ANO3: variants seen among roughly 807,000 people sequenced by gnomAD.
The protein encoded by ANO3 is anoctamin-3.
Under a neutral mutation model 144.8 loss-of-function variants are expected in ANO3, and 99 were observed. The observed-to-expected ratio is 0.68, with a 90% CI of 0.58 to 0.81. The LOEUF is 0.81. ANO3 is among the 30% of genes least tolerant of loss of function. The pLI is 0.00. For synonymous variants in ANO3, 414 were observed against 392.6 expected, an observed-to-expected ratio of 1.05 and a Z score of -0.64; for missense variants, 905 against 1,202.2, an observed-to-expected ratio of 0.75 and a Z score of 3.66.
intron 1 of ANO3, among the ~76,000 whole-genome samples, chr11:26,245,018 T>TGTGTGTGTGTGCACGC (rs151031559): frequency 6.9e-6 from 1 of 145,324 alleles, no homozygotes; most frequent in South Asian, 2.2e-4. Context: ...TGTGTGTGTG[T>TGTGTGTGTGTGCACGC]GTGCATGCAT....
chr11:26,580,065 G>A (rs1391881441), intron 14 of ANO3, among the ~76,000 whole-genome samples: 1 of 135,544 alleles, frequency 7.4e-6, no homozygotes, highest in Non-Finnish European at 1.6e-5. Context: ...CAAAAGTAAT[G>A]AGAATGGAAA....
chr11:26,431,579 G>T (rs962171415), intron 1 of ANO3, among the ~76,000 whole-genome samples: 1 of 152,082 alleles, frequency 6.6e-6, no homozygotes, highest in Admixed American at 6.5e-5. Flanking sequence ...CAAATAGACC[G>T]CAGCGTCTGT....
intron 1 of ANO3, among the ~76,000 whole-genome samples, chr11:26,250,384 C>G (rs1852900215): frequency 6.6e-6 from 1 of 152,136 alleles, no homozygotes; most frequent in Non-Finnish European, 1.5e-5. Context: ...ATATCCTGAG[C>G]TGAAGAGGAC....
Position 26,602,615 on chromosome 11 carries a change from G to C in ANO3, c.1836+2901G>C, listed in dbSNP as rs1242844813. Among the ~76,000 whole-genome samples the C allele has an allele frequency of 2.1e-5, 3 of 142,056 alleles. No homozygotes were observed. In the Admixed American group the frequency reaches 2.1e-4, roughly 10 times the overall value. The allele number at this position is 142,056 out of a possible 152,430, so 93.2% of individuals were successfully genotyped here. A position where few individuals can be genotyped will look rare whatever the true frequency, so the allele number is the denominator to read the frequency against. ...TTTTTTTTTTTTTAAAGCCAAGTGT[G>C]GTGGTGCACACCTGTAGTCTCAACT... On this transcript the variant is annotated intron_variant, in intron 17 of 26. Coordinates refer to ENST00000256737, the MANE Select transcript of ANO3 (RefSeq NM_031418.4).
chr11:26,297,224 C>T (rs1854114120), intron 1 of ANO3, among the ~76,000 whole-genome samples: 4 of 145,078 alleles, frequency 2.8e-5, no homozygotes, highest in Non-Finnish European at 3.0e-5. Flanking sequence ...TTTCTTTTTA[C>T]CCTCCAGTAT....
At chr11:26,423,771 C>G (rs952356832) in intron 1 of ANO3, among the ~76,000 whole-genome samples, 1 of 151,914 alleles carries the variant, frequency 6.6e-6, no homozygotes, top group African/African-American at 2.4e-5. Context: ...GTTATTTATA[C>G]CACGGGAAGT....
chr11:26,338,132 G>A (rs1197699211), intron 1 of ANO3, among the ~76,000 whole-genome samples: 1 of 150,166 alleles, frequency 6.7e-6, no homozygotes, highest in African/African-American at 2.5e-5. Context: ...AAAAAAAACA[G>A]CAAAAACAAC....
rs141218514 is a variant in ANO3, at chr11:26,548,110, A to G, written c.1289+560A>G. Among the ~76,000 whole-genome samples the G allele has an allele frequency of 2.6e-3, 391 of 152,084 alleles. 5 individuals are homozygous for G. The highest frequency in any genetic ancestry group is 0.019 in the Admixed American group (292 of 15,242). On this transcript the variant is annotated intron_variant, in intron 12 of 26. Transcript: ENST00000256737. ...CTCTCCTGAGTACGTGACAAAACGT[A>G]ACATACTTTCTACCCTATTATTACT...
At chr11:26,543,055 A>G (rs1849685969) in intron 11 of ANO3, among the ~76,000 whole-genome samples, 1 of 152,046 alleles carries the variant, frequency 6.6e-6, no homozygotes, top group African/African-American at 2.4e-5. Context: ...ACGGATGAGG[A>G]AGCTCCCAGG....
intron 1 of ANO3, among the ~76,000 whole-genome samples, chr11:26,348,310 T>C (rs1380125705): frequency 6.6e-6 from 1 of 152,204 alleles, no homozygotes; most frequent in African/African-American, 2.4e-5. Flanking sequence ...AATCTTCTCA[T>C]GTGTATTTAA....
chr11:26,651,318 A>G (rs1209421073), intron 24 of ANO3, among the ~76,000 whole-genome samples: 3 of 152,238 alleles, frequency 2.0e-5, no homozygotes, highest in African/African-American at 7.2e-5. Flanking sequence ...AACCTTAGAA[A>G]GTATCACATG....
intron 1 of ANO3, among the ~76,000 whole-genome samples, chr11:26,314,323 G>C (rs1430623135): frequency 4.6e-5 from 7 of 152,098 alleles, no homozygotes; most frequent in Non-Finnish European, 7.4e-5. Flanking sequence ...TAATTCAACT[G>C]TTTCCCAATT....
intron 8 of ANO3, among the ~76,000 whole-genome samples, chr11:26,534,084 T>C (rs1849442436): frequency 1.3e-5 from 2 of 152,184 alleles, no homozygotes; most frequent in East Asian, 1.9e-4. Context: ...GTTAAGGCTC[T>C]GAAAACAAGA....
chr11:26,643,858 T>G (rs1853252381), intron 23 of ANO3, among the ~76,000 whole-genome samples: 1 of 152,136 alleles, frequency 6.6e-6, no homozygotes, highest in Non-Finnish European at 1.5e-5. Context: ...TTCATCCCCT[T>G]TTCGCTTTCC....
intron 4 of ANO3, among the ~76,000 whole-genome samples, chr11:26,492,512 T>C (rs1860750710): frequency 6.6e-6 from 1 of 152,210 alleles, no homozygotes; most frequent in Admixed American, 6.5e-5. Flanking sequence ...TAGATAGTGA[T>C]TTATCATTTA....
intron 3 of ANO3, among the ~76,000 whole-genome samples, chr11:26,452,990 G>T (rs1230036737): frequency 1.3e-5 from 2 of 152,140 alleles, no homozygotes; most frequent in Non-Finnish European, 2.9e-5. Context: ...AGCTTCATAA[G>T]TGAAGGAGAA....
upstream of ANO3, among the ~76,000 whole-genome samples, chr11:26,329,327 CAGAGAG>C (rs10573538): frequency 0.046 from 5,026 of 110,150 alleles, 97 homozygotes; most frequent in African/African-American, 0.058. Flanking sequence ...CACACACACA[CAGAGAG>C]AGAGAGAGAG....
At chr11:26,346,474 T>C (rs1015607874) in intron 1 of ANO3, among the ~76,000 whole-genome samples, 2 of 152,200 alleles carry the variant, frequency 1.3e-5, no homozygotes, top group African/African-American at 2.4e-5. Flanking sequence ...TCTCATTGCA[T>C]GCTATTCTAA....
intron 17 of ANO3, among the ~76,000 whole-genome samples, chr11:26,623,488 C>G (rs1190200756): frequency 6.6e-6 from 1 of 152,076 alleles, no homozygotes; most frequent in Non-Finnish European, 1.5e-5. Context: ...ATGCCCTTTT[C>G]TTGAGTCTAT....
Sources: allele counts gnomAD v4.1 joint callset (sites outside exome capture counted in the v4.1 genomes callset), GRCh38; gene constraint gnomAD v4.1.1; transcripts MANE v1.5; gene names NCBI Gene and HGNC (gene_info 2026-07-23, HGNC 2026-07-21).